Variants in GCN1 observed in about 807,000 individuals in gnomAD.
GCN1 encodes GCN1 activator of EIF2AK4, also known as stalled ribosome sensor GCN1.
In GCN1, 90 loss-of-function variants were observed where a neutral mutation model predicts 288.4. That is an observed-to-expected ratio of 0.31 (90% CI 0.26 to 0.37). The LOEUF is 0.37. GCN1 is among the 10% of genes least tolerant of loss of function. The probability of loss-of-function intolerance (pLI) is 1.00; values close to 1 mark genes in which losing one functional copy is unlikely to be tolerated. For synonymous variants in GCN1, 1,386 were observed against 1,420.2 expected (o/e 0.98, Z 0.54); for missense variants, 2,586 against 3,419.9 (o/e 0.76, Z 6.08).
At chr12:120,151,027 T>C (rs1331445348) in intron 34 of GCN1, 118 bp downstream of exon 34, 13 of 1,115,010 alleles carry the variant, frequency 1.2e-5, no homozygotes, top group Non-Finnish European at 1.7e-5. Context: ...AGCGGGGCCC[T>C]CTGTAGTACA....
rs1459138860 is a variant in GCN1 at position 120,144,244 on chromosome 12, C to T, written c.5495+62G>A. 5.7e-6 allele frequency: 9 copies of T among 1,585,438 alleles called. No homozygotes were observed. The African/African-American group carries it at 8.1e-5, about 14-fold the overall frequency. On this transcript the variant is annotated intron_variant, in intron 42 of 57. Coordinates refer to ENST00000300648, the MANE Select transcript of GCN1 (RefSeq NM_006836.2). This position sits in a 1 kb window ranked among gnomAD's most constrained non-coding sequence, Gnocchi z 4.7. ...TCCTGCCTCGGCTTTCCAGAGTGCT[C>T]GGATTATAGGCATGAGCCACCACGC...
rs369707758 is a variant in GCN1, at chr12:120,138,745, T to C, written c.6106A>G (p.Ile2036Val). 11 of 1,614,086 alleles carry C rather than the reference T, an allele frequency of 6.8e-6. No homozygotes were observed. Among genetic ancestry groups the C allele is most frequent in the Non-Finnish European group, 9.3e-6 (11 of 1,180,032 alleles). ...AKTFEQLHST[I>V]GHQALEDILP... ...ATGTCCTCCAGAGCCTGGTGGCCGATGGTGGAATGCAGCTGCTCGAAAGTC... is the reference window on the plus strand; with the variant it reads ...ATGTCCTCCAGAGCCTGGTGGCCGACGGTGGAATGCAGCTGCTCGAAAGTC... Residue 2036 changes from isoleucine to valine, a missense_variant, in exon 46 of 58, where the codon ATC (isoleucine) becomes GTC (valine). By Grantham distance (29) the Ile-to-Val change is conservative. Coordinates refer to ENST00000300648, the MANE Select transcript of GCN1 (RefSeq NM_006836.2).
chr12:120,170,618 G>T (rs1012540277), intron 14 of GCN1, among the ~76,000 whole-genome samples: 5 of 151,862 alleles, frequency 3.3e-5, no homozygotes, highest in Admixed American at 3.3e-4. Flanking sequence ...AGATCAGCCT[G>T]ACCAACATGG....
rs1184784573 is a variant in GCN1 at position 120,152,440 on chromosome 12, T to TTA, written c.4062+771_4062+772dup. On this transcript the variant is annotated intron_variant, in intron 33 of 57. Coordinates refer to ENST00000300648, the MANE Select transcript of GCN1 (RefSeq NM_006836.2). ...TATATATATATAAATATATATATAT[T>TTA]TATATATATATACATGCGTGTTTTT... 2.8e-4 allele frequency among the ~76,000 whole-genome samples: 33 copies of TTA among 116,858 alleles called. 1 individual carries two copies. Among genetic ancestry groups the TTA allele is most frequent in the African/African-American group, 8.8e-4 (25 of 28,266 alleles). 76.7% of individuals were successfully genotyped at this position (116,858 alleles called of 152,430 possible).
In GCN1 at chr12:120,155,644, G is replaced by A; in HGVS notation, c.3388C>T (p.Leu1130Phe). The A allele has an allele frequency of 6.2e-7, 1 of 1,614,052 alleles. No individual in the cohort carries two copies. Among genetic ancestry groups the A allele is most frequent in the Non-Finnish European group, 8.5e-7 (1 of 1,179,924 alleles). The change falls in exon 29 of 58, where the codon CTC becomes TTC. Residue 1130 changes from leucine to phenylalanine, a missense_variant. Coordinates refer to ENST00000300648, the MANE Select transcript of GCN1 (RefSeq NM_006836.2). This position sits in a 1 kb window ranked among gnomAD's most constrained non-coding sequence, Gnocchi z 4.9. ...TCCTTGTCAAACTTGACCACCCAGA[G>A]TCTCCGCAGAAGGTTCAGGCCATTC... ...EKNGLNLLRR[L>F]WVVKFDKEEE...
Position 120,157,835 on chromosome 12 carries a change from G to A in GCN1, c.3087+14C>T. 2 of 1,610,244 alleles carry A rather than the reference G, an allele frequency of 1.2e-6. No homozygotes were observed. Among genetic ancestry groups the A allele is most frequent in the Middle Eastern group, 1.7e-4 (1 of 6,008 alleles). On this transcript the variant is annotated intron_variant, in intron 26 of 57. Coordinates refer to ENST00000300648, the MANE Select transcript of GCN1 (RefSeq NM_006836.2). ...CCCTTTAAACCAAGAGGAGAGCAGA[G>A]CTTCCCTGCCAACCTCGTCCACCCG...
rs367927680 is a variant in GCN1 at position 120,168,223 on chromosome 12, T to A, written c.1597A>T (p.Met533Leu). 4 of 1,578,942 alleles carry A rather than the reference T, an allele frequency of 2.5e-6. No individual in the cohort carries two copies. The African/African-American group carries it at 4.0e-5, about 16-fold the overall frequency. Reference sequence around the variant, plus strand: ...AGTAACTTACCATCCTCTGAAGCCATGACCAGGAATTTCTCAGAAGTGAAA... The same window carrying A: ...AGTAACTTACCATCCTCTGAAGCCAAGACCAGGAATTTCTCAGAAGTGAAA... ...QVFTSEKFLV[M>L]ASEDALCTVL... Residue 533 changes from methionine to leucine, a missense_variant, in exon 16 of 58, where the codon ATG becomes TTG. Around this residue, in one of 8 missense-constraint regions of GCN1, gnomAD observed 913 missense variants for 1,107.0 expected, o/e 0.82. Coordinates refer to ENST00000300648, the MANE Select transcript of GCN1 (RefSeq NM_006836.2).
chr12:120,145,436 G>T, intron 38 of GCN1, 106 bp from the exon 39 acceptor site: 1 of 799,154 alleles, frequency 1.3e-6, no homozygotes, highest in Non-Finnish European at 1.9e-6. Context: ...AGGAGTGCTT[G>T]GCAGGGGCAC....
chr12:120,175,337 G>T, intron 11 of GCN1, 125 bp from the exon 12 acceptor site: 2 of 922,720 alleles, frequency 2.2e-6, no homozygotes, highest in Non-Finnish European at 3.5e-6. Flanking sequence ...TTTGTGTTGT[G>T]AAGCTGGGTT....
intron 7 of GCN1, 58 bp from the exon 8 acceptor site, chr12:120,177,810 C>T: frequency 8.1e-7 from 1 of 1,234,992 alleles, no homozygotes; most frequent in Non-Finnish European, 1.2e-6. Context: ...CATCACTGGC[C>T]TAAGGGGTCC....
At chr12:120,185,082 A>C (rs12306075) in intron 2 of GCN1, among the ~76,000 whole-genome samples, 195 bp from the exon 3 acceptor site, 32,467 of 152,124 alleles carry the variant, frequency 0.21, 4,212 homozygotes, top group East Asian at 0.56. Context: ...CTTTGGGTAG[A>C]CATTTGCTAA....
chr12:120,170,961 A>G (rs1362111523), intron 14 of GCN1, among the ~76,000 whole-genome samples: 1 of 151,326 alleles, frequency 6.6e-6, no homozygotes, highest in African/African-American at 2.4e-5. Flanking sequence ...GGAATTCCAG[A>G]CCAGCCTGAC....
chr12:120,130,553 C>A (rs1368254076), intron 56 of GCN1, 93 bp downstream of exon 56: 2 of 816,142 alleles, frequency 2.5e-6, no homozygotes, highest in Non-Finnish European at 4.3e-6. Context: ...TAGCACACAA[C>A]TAGTTGAGGG....
chr12:120,138,650 G>A (rs200822269), intron 46 of GCN1, 45 bp downstream of exon 46: 21 of 1,579,992 alleles, frequency 1.3e-5, no homozygotes, highest in Admixed American at 6.8e-5. Flanking sequence ...CTACAAAGAC[G>A]GCAAAAGCCA....
At chr12:120,135,840 C>T (rs1876985168) in intron 51 of GCN1, among the ~76,000 whole-genome samples, 1 of 151,828 alleles carries the variant, frequency 6.6e-6, no homozygotes, top group South Asian at 2.1e-4. Flanking sequence ...CTGGTGAAAC[C>T]CTGTCTCTAC....
chr12:120,130,515 G>T, intron 56 of GCN1, 131 bp downstream of exon 56: 1 of 659,896 alleles, frequency 1.5e-6, no homozygotes, highest in Non-Finnish European at 2.8e-6. Context: ...AGTGTTCAGC[G>T]ATCTCCTGGA....
chr12:120,149,128 G>A (rs1877456657), intron 36 of GCN1, among the ~76,000 whole-genome samples: 1 of 151,986 alleles, frequency 6.6e-6, no homozygotes, highest in South Asian at 2.1e-4. Flanking sequence ...CCAAAGAGGA[G>A]CTTTAGAGCT....
At chr12:120,143,135 A>G (rs926708303) in intron 42 of GCN1, among the ~76,000 whole-genome samples, 194 bp from the exon 43 acceptor site, 6 of 152,220 alleles carry the variant, frequency 3.9e-5, no homozygotes. Context: ...ATGAACATAC[A>G]TTAATGTTGA....
At chr12:120,167,112 G>A (rs986112864) in intron 16 of GCN1, among the ~76,000 whole-genome samples, 4 of 151,990 alleles carry the variant, frequency 2.6e-5, no homozygotes, top group African/African-American at 7.2e-5. Flanking sequence ...GGCCGAGGCA[G>A]GTGGATCACC....
Sources: allele counts gnomAD v4.1 joint callset (sites outside exome capture counted in the v4.1 genomes callset), GRCh38; gene constraint gnomAD v4.1.1; regional missense constraint gnomAD v4.1.1; non-coding constraint Gnocchi (gnomAD v3.1); transcripts MANE v1.5; gene names NCBI Gene and HGNC (gene_info 2026-07-23, HGNC 2026-07-21).